The following PCSK5 variants were observed in gnomAD, a reference collection of about 807,000 sequenced individuals.
PCSK5 encodes the protein proprotein convertase subtilisin/kexin type 5, also known as prohormone convertase 5.
Under a neutral mutation model 233.2 loss-of-function variants are expected in PCSK5, and 129 were observed. The ratio of observed to expected loss-of-function variants is 0.55; its 90% CI spans 0.48 to 0.64. The LOEUF (loss-of-function observed/expected upper bound fraction) is 0.64. PCSK5 is among the 30% of genes least tolerant of loss of function. The pLI is 0.00. For missense variants in PCSK5, 2,076 were observed against 2,430.1 expected (o/e 0.85, Z 3.06); for synonymous variants, 825 against 879.2 (o/e 0.94, Z 1.09).
chr9:76,215,118 C>T (rs536493712), intron 20 of PCSK5, among the ~76,000 whole-genome samples: 16 of 152,344 alleles, frequency 1.1e-4, no homozygotes, highest in African/African-American at 3.8e-4. Context: ...CCCAAGCCCA[C>T]AGGCAGCTTT....
intron 2 of PCSK5, among the ~76,000 whole-genome samples, chr9:75,979,569 A>T (rs1243362976): frequency 6.6e-6 from 1 of 152,212 alleles, no homozygotes; most frequent in East Asian, 1.9e-4. Flanking sequence ...TGGAGGGCGA[A>T]TGCAATACTG....
intron 2 of PCSK5, among the ~76,000 whole-genome samples, chr9:75,941,687 A>G (rs909324015): frequency 1.3e-5 from 2 of 152,000 alleles, no homozygotes; most frequent in Non-Finnish European, 2.9e-5. Context: ...GAATGCATAC[A>G]CTCTTGGGAG....
In PCSK5 at chr9:76,289,504, C is replaced by T. The variant is rs939407935; in HGVS notation, c.3143-2729C>T. ...ACACACACACACACACACACACACA[C>T]ACACACGCAACATACACACACACAC... On this transcript the variant is annotated intron_variant, in intron 24 of 37. Transcript: ENST00000674117. 6.8e-3 allele frequency among the ~76,000 whole-genome samples: 897 copies of T among 131,920 alleles called. 3 individuals carry two copies. The highest frequency in any genetic ancestry group is 8.9e-3 in the Admixed American group (117 of 13,216). The allele number at this position is 131,920 out of a possible 152,430, so 86.5% of individuals were successfully genotyped here. A position where few individuals can be genotyped will look rare whatever the true frequency, so the allele number is the denominator to read the frequency against.
At chr9:76,132,055 T>C (rs10121749) in intron 9 of PCSK5, among the ~76,000 whole-genome samples, 85,816 of 151,848 alleles carry the variant, frequency 0.57, 24,361 homozygotes, top group East Asian at 0.69. Flanking sequence ...GCTTTCTTGT[T>C]ATTTTTGTCA....
At chr9:76,262,518 C>T (rs1445879900) in intron 24 of PCSK5, among the ~76,000 whole-genome samples, 1 of 147,370 alleles carries the variant, frequency 6.8e-6, no homozygotes, top group Non-Finnish European at 1.5e-5. Context: ...CAAAAACAAA[C>T]AATGGGGAAA....
intron 35 of PCSK5, among the ~76,000 whole-genome samples, chr9:76,344,915 T>C (rs1233050315): frequency 6.6e-6 from 1 of 152,170 alleles, no homozygotes; most frequent in African/African-American, 2.4e-5. Context: ...CCTTTGAAGA[T>C]GATTGCGGGG....
chr9:76,224,286 ATAT>A (rs1825814219), intron 20 of PCSK5, among the ~76,000 whole-genome samples: 1 of 152,224 alleles, frequency 6.6e-6, no homozygotes, highest in Admixed American at 6.5e-5. Context: ...TGGTGGAGAA[ATAT>A]TCTGAGGAAA....
At chr9:76,151,576 C>T (rs1823673869) in intron 10 of PCSK5, among the ~76,000 whole-genome samples, 2 of 152,166 alleles carry the variant, frequency 1.3e-5, no homozygotes, top group Admixed American at 1.3e-4. Context: ...GATGCTCAGT[C>T]CTGGCCCCTG....
chr9:76,099,008 A>G (rs1378961600), intron 8 of PCSK5, among the ~76,000 whole-genome samples: 41 of 152,056 alleles, frequency 2.7e-4, no homozygotes, highest in Non-Finnish European at 1.5e-5. Flanking sequence ...AAATGTTAAT[A>G]CCCTTTCGCG....
intron 3 of PCSK5, among the ~76,000 whole-genome samples, chr9:75,993,952 C>T (rs1254442723): frequency 3.9e-5 from 6 of 152,160 alleles, no homozygotes; most frequent in Non-Finnish European, 5.9e-5. Context: ...AGCAGGTGTT[C>T]ATAATAAACC....
intron 1 of PCSK5, among the ~76,000 whole-genome samples, chr9:75,897,489 C>CTTT (rs58504698): frequency 0.023 from 2,722 of 119,534 alleles, 70 homozygotes; most frequent in Non-Finnish European, 0.03. Context: ...TCTTTCTTTT[C>CTTT]TTTTTTTTTT....
At chr9:75,984,620 A>C (rs1826423806) in intron 2 of PCSK5, among the ~76,000 whole-genome samples, 1 of 152,208 alleles carries the variant, frequency 6.6e-6, no homozygotes. Context: ...CCTGTGTCAG[A>C]TGTCATTCAT....
At chr9:76,187,991 A>AAAAGT in intron 17 of PCSK5, among the ~76,000 whole-genome samples, 2 of 152,250 alleles carry the variant, frequency 1.3e-5, no homozygotes, top group Non-Finnish European at 2.9e-5. Context: ...AAATAGAGGC[A>AAAAGT]AAAGTATTTT....
rs138950438 is a variant in PCSK5, at chr9:76,267,859, G to A, written c.3143-24374G>A. On this transcript the variant is annotated intron_variant, in intron 24 of 37. Coordinates refer to ENST00000674117, the MANE Select transcript of PCSK5 (RefSeq NM_001372043.1). ...TGTTCTCTTTAAGAATGGATACAAG[G>A]AGAAAAGTCTCCCAAAGTTGAAGAG... 4.1e-3 allele frequency among the ~76,000 whole-genome samples: 625 copies of A among 152,132 alleles called. 3 individuals carry two copies. The highest frequency in any genetic ancestry group is 0.014 in the African/African-American group (581 of 41,504).
At chr9:76,111,588 AT>A (rs551509061) in intron 9 of PCSK5, among the ~76,000 whole-genome samples, 5 of 150,246 alleles carry the variant, frequency 3.3e-5, no homozygotes, top group African/African-American at 1.2e-4. Flanking sequence ...TTTTTTCTGG[AT>A]TTTTTTTGGT....
intron 17 of PCSK5, among the ~76,000 whole-genome samples, chr9:76,186,463 C>T (rs1420465283): frequency 6.6e-6 from 1 of 152,150 alleles, no homozygotes; most frequent in Non-Finnish European, 1.5e-5. Context: ...TCTCAGTAGC[C>T]ATGTGTGCCA....
intron 20 of PCSK5, among the ~76,000 whole-genome samples, chr9:76,196,141 A>G (rs1163909350): frequency 6.6e-6 from 1 of 152,114 alleles, no homozygotes; most frequent in East Asian, 1.9e-4. Flanking sequence ...CAAGGCTGTG[A>G]AAAAAAATCC....
At position 76,046,155 on chromosome 9, in the gene PCSK5, C is replaced by CTTT. The variant is rs1829362984; in HGVS notation, c.632+19120_632+19122dup. ...TAGTAGCATTAACACATAATTTTTT[C>CTTT]TTTTGTTTTTTTTTTTTTTTTTTTT... On this transcript the variant is annotated intron_variant, in intron 5 of 37. Transcript: ENST00000674117. 1.1e-3 allele frequency among the ~76,000 whole-genome samples: 60 copies of CTTT among 55,708 alleles called. 1 individual carries two copies. Among genetic ancestry groups the CTTT allele is most frequent in the South Asian group, 1.9e-3 (3 of 1,594 alleles). The allele number at this position is 55,708 out of a possible 152,430, so 36.5% of individuals were successfully genotyped here. A position where few individuals can be genotyped will look rare whatever the true frequency, so the allele number is the denominator to read the frequency against.
chr9:76,261,048 T>G lies in PCSK5; in HGVS notation c.3142+20364T>G, dbSNP rs142863837. Among the ~76,000 whole-genome samples the G allele has an allele frequency of 2.5e-3, 376 of 152,296 alleles. 2 individuals carry two copies. The highest frequency in any genetic ancestry group is 8.1e-3 in the African/African-American group (337 of 41,566). On this transcript the variant is annotated intron_variant, in intron 24 of 37. Coordinates refer to ENST00000674117, the MANE Select transcript of PCSK5 (RefSeq NM_001372043.1). ...TTTACTCTTAGTTGCCTTACAAGAA[T>G]TATTCACCACCTTCAAGGTCCAGGT...
Sources: gnomAD v4.1 joint callset for allele counts (sites outside exome capture counted in the v4.1 genomes callset) on GRCh38, gnomAD v4.1.1 for gene constraint, MANE v1.5 for transcripts, NCBI Gene and HGNC (gene_info 2026-07-23, HGNC 2026-07-21) for gene names.